CDC42BPA: variants seen among roughly 807,000 people sequenced by gnomAD.
The protein encoded by CDC42BPA is CDC42 binding protein kinase alpha.
In CDC42BPA, 80 loss-of-function variants were observed where a neutral mutation model predicts 223.5. That is an observed-to-expected ratio of 0.36 (90% confidence interval 0.30 to 0.43). The LOEUF (loss-of-function observed/expected upper bound fraction) is 0.43. CDC42BPA is among the 20% of genes least tolerant of loss of function. The probability of loss-of-function intolerance (pLI) is 1.00; values close to 1 mark genes in which losing one functional copy is unlikely to be tolerated. For synonymous variants in CDC42BPA, 694 were observed against 718.6 expected, an observed-to-expected ratio of 0.97 and a Z score of 0.55; for missense variants, 1,743 against 2,099.9, an observed-to-expected ratio of 0.83 and a Z score of 3.32.
intron 23 of CDC42BPA, among the ~76,000 whole-genome samples, chr1:227,040,737 T>A (rs934256812): frequency 1.2e-4 from 18 of 152,144 alleles, no homozygotes; most frequent in African/African-American, 4.3e-4. Context: ...ATCAGTTTCC[T>A]CCTATGGAAA....
intron 5 of CDC42BPA, among the ~76,000 whole-genome samples, chr1:227,191,704 T>C (rs1432717103): frequency 6.6e-6 from 1 of 152,154 alleles, no homozygotes; most frequent in Non-Finnish European, 1.5e-5. Flanking sequence ...GAAATAGTAT[T>C]TTCTGTAAGT....
chr1:227,050,013 C>T (rs927492980), intron 22 of CDC42BPA, among the ~76,000 whole-genome samples: 2 of 152,020 alleles, frequency 1.3e-5, no homozygotes, highest in Non-Finnish European at 2.9e-5. Flanking sequence ...ATAAATCTGA[C>T]TATTTTAAAA....
intron 11 of CDC42BPA, 55 bp downstream of exon 11, chr1:227,129,054 A>C (rs1273630106): frequency 4.1e-6 from 5 of 1,208,754 alleles, no homozygotes; most frequent in Non-Finnish European, 5.9e-6. Flanking sequence ...TGTGTGAATA[A>C]ACCATTTTTT....
intron 4 of CDC42BPA, among the ~76,000 whole-genome samples, chr1:227,198,046 C>T (rs1162732668): frequency 6.6e-6 from 1 of 152,066 alleles, no homozygotes; most frequent in African/African-American, 2.4e-5. Context: ...ATATATATGG[C>T]TTATATGATA....
At chr1:227,242,632 T>C (rs999210242) in intron 2 of CDC42BPA, among the ~76,000 whole-genome samples, 1 of 151,918 alleles carries the variant, frequency 6.6e-6, no homozygotes, top group Non-Finnish European at 1.5e-5. Flanking sequence ...TCTAAAACTA[T>C]CCTTTACTAG....
chr1:227,031,213 G>A (rs1669212687), intron 28 of CDC42BPA, 85 bp downstream of exon 28: 2 of 1,003,556 alleles, frequency 2.0e-6, no homozygotes, highest in South Asian at 2.8e-5. Flanking sequence ...TGGACACTGG[G>A]GATTCCTAGA....
At chr1:227,131,075 G>A (rs1657004268) in intron 10 of CDC42BPA, among the ~76,000 whole-genome samples, 1 of 152,018 alleles carries the variant, frequency 6.6e-6, no homozygotes, top group Non-Finnish European at 1.5e-5. Context: ...TTTTAAATAA[G>A]GATTTTACAT....
chr1:227,132,555 C>G (rs1401727014), intron 10 of CDC42BPA, among the ~76,000 whole-genome samples: 1 of 144,150 alleles, frequency 6.9e-6, no homozygotes, highest in Non-Finnish European at 1.5e-5. Context: ...GCTGCCACCC[C>G]GTCTGGGAAG....
At chr1:227,061,184 AGTT>A (rs1179628960) in intron 21 of CDC42BPA, among the ~76,000 whole-genome samples, 2 of 152,174 alleles carry the variant, frequency 1.3e-5, no homozygotes, top group African/African-American at 4.8e-5. Context: ...ACTTTTCCTC[AGTT>A]ATTAATGGGA....
intron 35 of CDC42BPA, among the ~76,000 whole-genome samples, chr1:227,000,332 C>T (rs753348433): frequency 6.6e-5 from 10 of 152,106 alleles, no homozygotes; most frequent in Admixed American, 2.0e-4. Context: ...CCTTAGATTA[C>T]GAGCTAATTG....
At chr1:227,185,378 G>A (rs935992381) in intron 5 of CDC42BPA, among the ~76,000 whole-genome samples, 1 of 152,080 alleles carries the variant, frequency 6.6e-6, no homozygotes, top group Admixed American at 6.5e-5. Flanking sequence ...GATTCCCACC[G>A]TTGTCCTCTT....
At chr1:227,058,675 T>C (rs1675107413) in intron 21 of CDC42BPA, among the ~76,000 whole-genome samples, 1 of 152,200 alleles carries the variant, frequency 6.6e-6, no homozygotes, top group African/African-American at 2.4e-5. Context: ...ACAGAGGTAG[T>C]GGCTGACTCA....
At chr1:227,171,751 C>T (rs776639723) in intron 5 of CDC42BPA, among the ~76,000 whole-genome samples, 7 of 151,938 alleles carry the variant, frequency 4.6e-5, no homozygotes, top group African/African-American at 7.3e-5. Flanking sequence ...GACCAAAATG[C>T]GGATACGACA....
intron 20 of CDC42BPA, among the ~76,000 whole-genome samples, chr1:227,070,314 C>CA (rs1467794074): frequency 5.3e-5 from 8 of 151,776 alleles, no homozygotes; most frequent in African/African-American, 1.7e-4. Flanking sequence ...CACTTAATTA[C>CA]AAAAAAACTG....
chr1:227,099,463 T>C (rs1684605681), intron 15 of CDC42BPA, among the ~76,000 whole-genome samples: 1 of 152,030 alleles, frequency 6.6e-6, no homozygotes, highest in Non-Finnish European at 1.5e-5. Context: ...ATCTTGTATA[T>C]AATCATATAA....
intron 22 of CDC42BPA, among the ~76,000 whole-genome samples, chr1:227,048,512 G>A (rs1672909788): frequency 6.6e-6 from 1 of 151,662 alleles, no homozygotes; most frequent in African/African-American, 2.4e-5. Flanking sequence ...TTTTTGTGCA[G>A]AAATTAATTT....
At chr1:227,251,615 CA>C (rs1489243178) in intron 2 of CDC42BPA, among the ~76,000 whole-genome samples, 7 of 151,788 alleles carry the variant, frequency 4.6e-5, no homozygotes, top group Non-Finnish European at 1.0e-4. Flanking sequence ...AAATTTAAAT[CA>C]AAAAACACTA....
At chr1:227,190,022 CATG>C (rs771640553) in intron 5 of CDC42BPA, among the ~76,000 whole-genome samples, 1 of 152,124 alleles carries the variant, frequency 6.6e-6, no homozygotes, top group South Asian at 2.1e-4. Flanking sequence ...TCAAGAGTTC[CATG>C]ATAAGAACCA....
At chr1:227,156,293 T>C (rs1259411357) in intron 6 of CDC42BPA, among the ~76,000 whole-genome samples, 1 of 151,930 alleles carries the variant, frequency 6.6e-6, no homozygotes, top group Non-Finnish European at 1.5e-5. Context: ...ACTGGGACTA[T>C]AGGTGCATGC....
Sources: gnomAD v4.1 joint callset for allele counts (sites outside exome capture counted in the v4.1 genomes callset) on GRCh38, gnomAD v4.1.1 for gene constraint, MANE v1.5 for transcripts, NCBI Gene and HGNC (gene_info 2026-07-23, HGNC 2026-07-21) for gene names.